OR4F16: variants seen among roughly 807,000 people sequenced by gnomAD.
OR4F16 encodes the protein olfactory receptor 4F3/4F16/4F29.
chr1:679,955 C>A, the OR4F16 span, among the ~76,000 whole-genome samples: 1 of 135,392 alleles, frequency 7.4e-6, no homozygotes, highest in Non-Finnish European at 1.6e-5. Flanking sequence ...AACATCGATG[C>A]AAAAATCCTC....
the OR4F16 span, chr1:712,048 A>ATATATATTATATATGTATTATATATAT: frequency 2.4e-3 from 5 of 2,106 alleles, 1 homozygote; most frequent in Admixed American, 0.015. Context: ...TATATGTATT[A>ATATATATTATATATGTATTATATATAT]TATATATTAT....
the OR4F16 span, among the ~76,000 whole-genome samples, chr1:717,180 T>A: frequency 2.0e-5 from 3 of 149,014 alleles, no homozygotes; most frequent in South Asian, 2.1e-4. Flanking sequence ...ATCCCATGAA[T>A]ATGTACAATT....
the OR4F16 span, among the ~76,000 whole-genome samples, chr1:708,467 A>AT: frequency 7.3e-6 from 1 of 136,840 alleles, no homozygotes; most frequent in Non-Finnish European, 1.5e-5. Flanking sequence ...CATGAGTAGA[A>AT]AAATAGACTA....
chr1:693,391 AT>A, the OR4F16 span, among the ~76,000 whole-genome samples: 1 of 105,738 alleles, frequency 9.5e-6, no homozygotes, highest in Non-Finnish European at 1.9e-5. Flanking sequence ...GTTGGCACAC[AT>A]TATAAATGTC....
At chr1:690,819 T>C (rs1410266334), upstream of OR4F16, among the ~76,000 whole-genome samples, 2 of 147,130 alleles carry the variant, frequency 1.4e-5, no homozygotes, top group Non-Finnish European at 2.9e-5. Flanking sequence ...ATAGACATAA[T>C]AAATTTTAGT....
the OR4F16 span, among the ~76,000 whole-genome samples, chr1:715,436 C>A: frequency 1.3e-4 from 1 of 7,552 alleles, no homozygotes; most frequent in Non-Finnish European, 2.7e-4. Context: ...TGGCAAAGAT[C>A]GTATATAGAA....
the OR4F16 span, among the ~76,000 whole-genome samples, chr1:691,739 T>C: frequency 1.3e-5 from 1 of 77,432 alleles, no homozygotes; most frequent in South Asian, 5.4e-4. Flanking sequence ...AGTCAAACCA[T>C]ACAATACCTT....
At chr1:712,668 TAA>T in the OR4F16 span, among the ~76,000 whole-genome samples, 761 of 147,378 alleles carry the variant, frequency 5.2e-3, 2 homozygotes, top group African/African-American at 0.017. Flanking sequence ...TAAAATATAA[TAA>T]GAGATAAGGC....
the OR4F16 span, among the ~76,000 whole-genome samples, chr1:714,789 TGACA>T: frequency 7.5e-6 from 1 of 132,572 alleles, no homozygotes; most frequent in Non-Finnish European, 1.5e-5. Flanking sequence ...CAGCAATATC[TGACA>T]AACAGTGGGC....
At chr1:701,492 TAGG>T in the OR4F16 span, among the ~76,000 whole-genome samples, 4 of 150,284 alleles carry the variant, frequency 2.7e-5, no homozygotes, top group African/African-American at 7.5e-5. Flanking sequence ...GATTACAGCC[TAGG>T]AGAAGTCTTC....
the OR4F16 span, among the ~76,000 whole-genome samples, chr1:702,669 A>C: frequency 3.5e-5 from 1 of 28,600 alleles, no homozygotes; most frequent in African/African-American, 1.2e-4. Context: ...CTGTGGATTA[A>C]GTAATGTCTT....
chr1:711,944 A>T, the OR4F16 span: 1 of 97,350 alleles, frequency 1.0e-5, no homozygotes, highest in Non-Finnish European at 2.0e-5. Flanking sequence ...TTAAGAGGAA[A>T]ATCACATGGA....
chr1:710,133 TG>T, the OR4F16 span, among the ~76,000 whole-genome samples: 1 of 131,298 alleles, frequency 7.6e-6, no homozygotes, highest in African/African-American at 2.7e-5. Flanking sequence ...GAATTTCAAT[TG>T]GAAAAAAATA....
chr1:683,129 C>CA (rs1353775224), downstream of OR4F16, among the ~76,000 whole-genome samples: 1 of 131,360 alleles, frequency 7.6e-6, no homozygotes, highest in Non-Finnish European at 1.6e-5. Context: ...GACACTTGCA[C>CA]AAAAACAGAC....
the OR4F16 span, among the ~76,000 whole-genome samples, chr1:715,793 C>T: frequency 1.3e-5 from 2 of 149,130 alleles, no homozygotes; most frequent in African/African-American, 5.1e-5. Flanking sequence ...GATTGCACCA[C>T]TGCACTCAAG....
chr1:702,348 G>A, the OR4F16 span: 2 of 149,916 alleles, frequency 1.3e-5, no homozygotes, highest in Non-Finnish European at 1.5e-5. Context: ...ACTCTGTCGG[G>A]GAAAAAAAAG....
At chr1:680,065 G>A in the OR4F16 span, among the ~76,000 whole-genome samples, 2 of 129,148 alleles carry the variant, frequency 1.5e-5, no homozygotes, top group Admixed American at 7.6e-5. Flanking sequence ...TTCAACATAC[G>A]CAAATCAATA....
upstream of OR4F16, among the ~76,000 whole-genome samples, chr1:689,761 T>TA (rs1308694693): frequency 6.9e-3 from 185 of 26,944 alleles, no homozygotes; most frequent in East Asian, 0.13. Flanking sequence ...GAGATAAAGT[T>TA]AAAAAAAGAT....
chr1:715,636 C>A, the OR4F16 span, among the ~76,000 whole-genome samples: 2 of 97,336 alleles, frequency 2.1e-5, no homozygotes, highest in Admixed American at 2.2e-4. Flanking sequence ...AATTCCAGAC[C>A]AGCCTGAGAA....
Sources: gnomAD v4.1 joint callset for allele counts (sites outside exome capture counted in the v4.1 genomes callset) on GRCh38, gnomAD v4.1.1 for gene constraint, MANE v1.5 for transcripts, NCBI Gene and HGNC (gene_info 2026-07-23, HGNC 2026-07-21) for gene names.